HEPHL1: variants seen among roughly 807,000 people sequenced by gnomAD.
HEPHL1 encodes the protein hephaestin like 1, also known as ferroxidase HEPHL1.
HEPHL1 carries 123 observed loss-of-function variants against 122.0 expected under a neutral mutation model. That is an observed-to-expected ratio of 1.01 (90% CI 0.87 to 1.17). The LOEUF (loss-of-function observed/expected upper bound fraction) is 1.17, where lower values mean the gene tolerates loss of function less well. Ranked by LOEUF, HEPHL1 falls within the 50% of genes most tolerant of loss-of-function variation. The pLI, the probability that HEPHL1 is intolerant of heterozygous loss-of-function variation, is 0.00. For missense variants in HEPHL1, 1,452 were observed against 1,430.5 expected (o/e 1.01, Z -0.24); for synonymous variants, 527 against 508.9 (o/e 1.04, Z -0.48).
chr11:94,022,358 C>A (rs1945589091), intron 1 of HEPHL1, among the ~76,000 whole-genome samples: 1 of 152,198 alleles, frequency 6.6e-6, no homozygotes, highest in Non-Finnish European at 1.5e-5. Flanking sequence ...GTTTTGGCAA[C>A]CTCTGTTGGA....
chr11:94,076,188 C>G (rs946742601), intron 9 of HEPHL1, among the ~76,000 whole-genome samples: 1 of 152,120 alleles, frequency 6.6e-6, no homozygotes. Flanking sequence ...CATGAAGGAA[C>G]AATCCCGGAA....
intron 2 of HEPHL1, chr11:94,055,218 CT>C: frequency 8.6e-5 from 23 of 266,932 alleles, no homozygotes; most frequent in South Asian, 2.2e-4. Flanking sequence ...TGATGGCCAC[CT>C]TTTTCTGCTG....
rs761835440 is a variant in HEPHL1, at chr11:94,082,505, A to G, written c.1804A>G (p.Ile602Val). 3 of 1,613,392 alleles carry G rather than the reference A, an allele frequency of 1.9e-6. No individual in the cohort carries two copies. The Admixed American group carries it at 5.0e-5, about 27-fold the overall frequency. ...RYFDENIQKF[I>V]WHPFSIDKED... is the part of the protein sequence containing the mutation. The stretch of plus-strand genomic sequence containing the variant: ...TTTTGATGAAAACATTCAGAAGTTT[A>G]TCTGGCATCCCTTCAGCATTGACAA... The change falls in exon 10 of 20, where the codon ATC (isoleucine) becomes GTC (valine). Residue 602 changes from isoleucine (I) to valine (V), a missense_variant. Physicochemically the swap from Ile to Val is conservative, Grantham distance 29. Coordinates refer to ENST00000315765, the MANE Select transcript of HEPHL1 (RefSeq NM_001098672.2).
intron 12 of HEPHL1, among the ~76,000 whole-genome samples, chr11:94,092,895 A>G (rs1946272865): frequency 6.6e-6 from 1 of 152,218 alleles, no homozygotes; most frequent in Non-Finnish European, 1.5e-5. Flanking sequence ...AGTCTTTATT[A>G]GTCCAGTTAT....
rs1946453723 is a variant in HEPHL1 at position 94,111,898 on chromosome 11, A to G, written c.*4A>G. The G allele has an allele frequency of 6.6e-7, 1 of 1,504,978 alleles. No individual in the cohort carries two copies. The highest frequency in any genetic ancestry group is 2.3e-5 in the Admixed American group (1 of 42,962). The allele number at this position is 1,504,978 out of a possible 1,614,324, so 93.2% of individuals were successfully genotyped here. On this transcript the variant is annotated 3_prime_UTR_variant, in exon 20 of 20. Transcript: ENST00000315765. ...TCTCCCCACGGATGCTCTGTGAACC[A>G]TCTGGTCTCCCTCAACAGGAAAGGG...
chr11:94,057,492 A>G (rs1945948049), intron 2 of HEPHL1, among the ~76,000 whole-genome samples: 2 of 151,982 alleles, frequency 1.3e-5, no homozygotes, highest in Non-Finnish European at 2.9e-5. Context: ...GATAATTTCT[A>G]TTGATCTAGC....
intron 12 of HEPHL1, 81 bp from the exon 13 acceptor site, chr11:94,093,420 G>T (rs901856007): frequency 7.2e-6 from 11 of 1,524,076 alleles, no homozygotes; most frequent in African/African-American, 2.8e-5. Context: ...CACTTCTCCA[G>T]AATACCCCTG....
intron 2 of HEPHL1, among the ~76,000 whole-genome samples, chr11:94,052,967 A>C (rs1474300185): frequency 1.3e-5 from 2 of 152,052 alleles, no homozygotes; most frequent in Non-Finnish European, 2.9e-5. Flanking sequence ...TTTTGTTGTC[A>C]AGGTAATACT....
At chr11:94,046,090 G>GTTTTTTTTT (rs1945833960) in intron 2 of HEPHL1, among the ~76,000 whole-genome samples, 173 bp downstream of exon 2, 1 of 6,986 alleles carries the variant, frequency 1.4e-4, no homozygotes, top group Non-Finnish European at 3.0e-4. Flanking sequence ...TCCCTTTCTT[G>GTTTTTTTTT]CTTTTTTTTT....
chr11:94,027,641 A>G (rs1837098069), intron 1 of HEPHL1, among the ~76,000 whole-genome samples: 1 of 152,208 alleles, frequency 6.6e-6, no homozygotes, highest in African/African-American at 2.4e-5. Context: ...CAGCAGAGGA[A>G]ACTGGTTCAG....
chr11:94,096,867 C>T (rs1371008438), intron 13 of HEPHL1, among the ~76,000 whole-genome samples: 1 of 151,898 alleles, frequency 6.6e-6, no homozygotes, highest in African/African-American at 2.4e-5. Flanking sequence ...TGATGATATC[C>T]CCTTTATCAT....
intron 1 of HEPHL1, among the ~76,000 whole-genome samples, chr11:94,034,895 A>G (rs1052421769): frequency 3.9e-5 from 6 of 152,208 alleles, no homozygotes; most frequent in African/African-American, 1.4e-4. Context: ...TCCAGTGAGC[A>G]GAAGCAGATG....
At chr11:94,104,461 G>C in intron 15 of HEPHL1, 67 bp from the exon 16 acceptor site, 1 of 1,073,928 alleles carries the variant, frequency 9.3e-7, no homozygotes, top group Non-Finnish European at 1.4e-6. Context: ...TAGAATGGTG[G>C]CAGGTGGAAT....
chr11:94,063,550 A>G lies in HEPHL1; in HGVS notation c.458A>G (p.Asp153Gly), dbSNP rs1386463337. Reference sequence around the variant, plus strand: ...GGAACATCTGGAAGGAACAAAAATGATGACATGGTTCCTCCTGGGAAAAAC... The same window carrying G: ...GGAACATCTGGAAGGAACAAAAATGGTGACATGGTTCCTCCTGGGAAAAAC... ...PDGTSGRNKN[D>G]DMVPPGKNYT... is the part of the protein sequence containing the mutation. Residue 153 changes from aspartate to glycine, a missense_variant, in exon 3 of 20, where the codon GAT (aspartate) becomes GGT (glycine). By Grantham distance (94) the Asp-to-Gly change is moderately conservative (BLOSUM62 -1). Coordinates refer to ENST00000315765, the MANE Select transcript of HEPHL1 (RefSeq NM_001098672.2). 1.2e-6 allele frequency: 2 copies of G among 1,613,084 alleles called. No individual in the cohort carries two copies. Among genetic ancestry groups the G allele is most frequent in the African/African-American group, 1.3e-5 (1 of 74,856 alleles).
chr11:94,089,041 T>C, intron 12 of HEPHL1, 73 bp downstream of exon 12: 2 of 1,319,366 alleles, frequency 1.5e-6, no homozygotes, highest in South Asian at 2.4e-5. Context: ...TAAGTGTGGC[T>C]CCCTGCAAAT....
At chr11:94,071,129 CTATT>C (rs1157165010) in intron 6 of HEPHL1, among the ~76,000 whole-genome samples, 2 of 152,098 alleles carry the variant, frequency 1.3e-5, no homozygotes, top group African/African-American at 4.8e-5. Flanking sequence ...ATAGAATATA[CTATT>C]TAAAAAATTA....
At chr11:94,104,506 C>A in intron 15 of HEPHL1, 22 bp from the exon 16 acceptor site, 1 of 1,525,110 alleles carries the variant, frequency 6.6e-7, no homozygotes, top group Non-Finnish European at 9.1e-7. Flanking sequence ...GCTCTTTTAA[C>A]TCAGTTTATT....
intron 1 of HEPHL1, among the ~76,000 whole-genome samples, chr11:94,023,921 G>A (rs958443786): frequency 6.6e-6 from 1 of 152,182 alleles, no homozygotes; most frequent in Non-Finnish European, 1.5e-5. Context: ...TGTCGTAGGT[G>A]GCTGACATTG....
At chr11:94,050,613 C>T (rs1422435049) in intron 2 of HEPHL1, among the ~76,000 whole-genome samples, 1 of 152,036 alleles carries the variant, frequency 6.6e-6, no homozygotes, top group East Asian at 1.9e-4. Flanking sequence ...ATAATAACAT[C>T]ATAGTACATG....
Sources: allele counts gnomAD v4.1 joint callset (sites outside exome capture counted in the v4.1 genomes callset), GRCh38; gene constraint gnomAD v4.1.1; transcripts MANE v1.5; gene names NCBI Gene and HGNC (gene_info 2026-07-23, HGNC 2026-07-21).